XPNPEP1: variants seen among roughly 807,000 people sequenced by gnomAD.
XPNPEP1 encodes X-prolyl aminopeptidase 1.
A neutral mutation model predicts 92.4 loss-of-function variants in XPNPEP1; 39 were observed. That is an observed-to-expected ratio of 0.42 (90% CI 0.33 to 0.55). The LOEUF (loss-of-function observed/expected upper bound fraction) is 0.55, where lower values mean the gene tolerates loss of function less well. XPNPEP1 is among the 20% of genes least tolerant of loss of function. The probability of loss-of-function intolerance (pLI) is 0.08; values close to 1 mark genes in which losing one functional copy is unlikely to be tolerated. For missense variants in XPNPEP1, 654 were observed against 856.1 expected (o/e 0.76, Z 2.95); for synonymous variants, 307 against 299.4 (o/e 1.03, Z -0.26).
chr10:109,900,580 T>A (rs567048067), intron 3 of XPNPEP1, among the ~76,000 whole-genome samples: 3 of 152,272 alleles, frequency 2.0e-5, no homozygotes, highest in South Asian at 2.1e-4. Context: ...CCACATTTAA[T>A]CCAGGTTGTA....
chr10:109,873,698 A>G (rs1415809748), intron 15 of XPNPEP1: 7 of 463,556 alleles, frequency 1.5e-5, no homozygotes, highest in Admixed American at 3.5e-5. Context: ...CAGCCACATT[A>G]TTCATAATAG....
chr10:109,885,467 A>G (rs928876824), intron 8 of XPNPEP1, among the ~76,000 whole-genome samples: 2 of 152,114 alleles, frequency 1.3e-5, no homozygotes, highest in African/African-American at 4.8e-5. Flanking sequence ...AGGGAGAGAG[A>G]AAAGTTTTAC....
intron 18 of XPNPEP1, 134 bp downstream of exon 18, chr10:109,870,597 T>C: frequency 8.4e-7 from 1 of 1,197,346 alleles, no homozygotes; most frequent in Non-Finnish European, 1.2e-6. Context: ...GTATCAGTTC[T>C]ATAATCAGAA....
chr10:109,879,874 C>T (rs1186745954), intron 12 of XPNPEP1, among the ~76,000 whole-genome samples: 1 of 152,160 alleles, frequency 6.6e-6, no homozygotes, highest in Non-Finnish European at 1.5e-5. Flanking sequence ...ATACAATCAG[C>T]TTGCCTATAA....
chr10:109,887,693 A>G (rs1410964014), intron 7 of XPNPEP1, among the ~76,000 whole-genome samples: 1 of 152,258 alleles, frequency 6.6e-6, no homozygotes, highest in African/African-American at 2.4e-5. Flanking sequence ...AAATGCTGAC[A>G]TAAGAAGGGA....
chr10:109,865,743 T>TA (rs1325553267), intron 20 of XPNPEP1, among the ~76,000 whole-genome samples: 1 of 152,100 alleles, frequency 6.6e-6, no homozygotes, highest in South Asian at 2.1e-4. Context: ...AAAAGCTGAA[T>TA]AAAAAACTAG....
At chr10:109,892,443 G>A (rs1396997975) in intron 4 of XPNPEP1, 3 of 156,782 alleles carry the variant, frequency 1.9e-5, no homozygotes, top group Non-Finnish European at 4.2e-5. Flanking sequence ...CTAACCATGA[G>A]GGGAGGGGAG....
At chr10:109,923,141 C>T in intron 1 of XPNPEP1, 1 of 983,806 alleles carries the variant, frequency 1.0e-6, no homozygotes. Context: ...TGCAGCAGTT[C>T]CGCGGGCATA....
rs1847288715 is a variant in XPNPEP1, at chr10:109,868,843, A to G, written c.1774-131T>C. The stretch of plus-strand genomic sequence containing the variant: ...GGAGCCAAGAAGTGGTGAGCTGGTC[A>G]CCACTTTTCACAGACACACAAGGAA... On this transcript the variant is annotated intron_variant, in intron 19 of 20. Transcript: ENST00000502935. 1.2e-5 allele frequency: 9 copies of G among 753,926 alleles called. 1 individual carries two copies. In the South Asian group the frequency reaches 1.4e-4, roughly 11 times the overall value. 46.7% of individuals were successfully genotyped at this position (753,926 alleles called of 1,614,324 possible). A position where few individuals can be genotyped will look rare whatever the true frequency, so the allele number is the denominator to read the frequency against.
At chr10:109,883,631 A>G (rs922270228) in intron 9 of XPNPEP1, among the ~76,000 whole-genome samples, 2 of 152,244 alleles carry the variant, frequency 1.3e-5, no homozygotes, top group Non-Finnish European at 2.9e-5. Context: ...GAAATAGAAC[A>G]GTAATGAAAA....
chr10:109,905,480 T>C (rs1217198181), intron 3 of XPNPEP1, among the ~76,000 whole-genome samples: 2 of 152,046 alleles, frequency 1.3e-5, no homozygotes, highest in Non-Finnish European at 2.9e-5. Flanking sequence ...AGTGCTGGGA[T>C]TACAGGCGTG....
At chr10:109,866,394 G>A (rs1847145522) in intron 20 of XPNPEP1, among the ~76,000 whole-genome samples, 1 of 152,194 alleles carries the variant, frequency 6.6e-6, no homozygotes. Context: ...TCAGGGAAGT[G>A]ATGGGGGCAG....
At chr10:109,869,186 G>A (rs1032603315) in intron 19 of XPNPEP1, among the ~76,000 whole-genome samples, 2 of 152,222 alleles carry the variant, frequency 1.3e-5, no homozygotes, top group Non-Finnish European at 2.9e-5. Context: ...TCGGGTTTCT[G>A]TTCATGGCAG....
chr10:109,916,898 G>T (rs1270869403), intron 1 of XPNPEP1, among the ~76,000 whole-genome samples: 1 of 152,048 alleles, frequency 6.6e-6, no homozygotes, highest in African/African-American at 2.4e-5. Flanking sequence ...CTCAACAAAC[G>T]CAGAAAAAGC....
chr10:109,907,730 C>G lies in XPNPEP1; in HGVS notation c.207G>C (p.Pro69=), dbSNP rs753390128. 3.1e-6 allele frequency: 5 copies of G among 1,614,124 alleles called. No individual in the cohort carries two copies. Among genetic ancestry groups the G allele is most frequent in the Admixed American group, 1.7e-5 (1 of 60,006 alleles). ...AMRNSEYVTE[P]IQAYIIPSGD... is the part of the protein sequence containing the mutation. ...CCGATGGGATGATGTAGGCCTGGAT[C>G]GGTTCGGTCACATACTCAGAGTTCC... is the stretch of plus-strand genomic sequence containing the variant. The change falls in exon 3 of 21, where the codon CCG becomes CCC. Residue 69 remains proline, a synonymous_variant. Transcript: ENST00000502935.
Position 109,888,168 on chromosome 10 carries a change from A to C in XPNPEP1, c.533T>G (p.Val178Gly). 6.2e-7 allele frequency: 1 copy of C among 1,613,172 alleles called. No individual in the cohort carries two copies. The highest frequency in any genetic ancestry group is 8.5e-7 in the Non-Finnish European group (1 of 1,179,950). ...GAGGTGATGGCCGGCACTTCTCAGA[A>C]CTTTGGCCATTTTCTTCCAATAATC... Reference protein sequence around the residue: ...PTDYWKKMAKVLRSAGHHLIP... With the variant: ...PTDYWKKMAKGLRSAGHHLIP... The change falls in exon 7 of 21, where the codon GTT becomes GGT. Residue 178 changes from valine to glycine, a missense_variant. Coordinates refer to ENST00000502935, the MANE Select transcript of XPNPEP1 (RefSeq NM_020383.4).
intron 8 of XPNPEP1, 192 bp from the exon 9 acceptor site, chr10:109,884,340 T>C (rs1435431608): frequency 1.7e-6 from 1 of 579,980 alleles, no homozygotes; most frequent in East Asian, 2.9e-5. Context: ...GTCCACCACG[T>C]GATGGCACCA....
chr10:109,905,266 T>C (rs1849495657), intron 3 of XPNPEP1, among the ~76,000 whole-genome samples: 2 of 152,172 alleles, frequency 1.3e-5, no homozygotes, highest in African/African-American at 4.8e-5. Context: ...AGTACAGTGC[T>C]GCAATCTCGG....
intron 4 of XPNPEP1, 103 bp from the exon 5 acceptor site, chr10:109,891,929 G>T: frequency 1.8e-6 from 2 of 1,088,740 alleles, no homozygotes; most frequent in Non-Finnish European, 1.3e-6. Context: ...AGAGGCATCA[G>T]CTCCTAGTGG....
Sources: gnomAD v4.1 joint callset for allele counts (sites outside exome capture counted in the v4.1 genomes callset) on GRCh38, gnomAD v4.1.1 for gene constraint, MANE v1.5 for transcripts, NCBI Gene and HGNC (gene_info 2026-07-23, HGNC 2026-07-21) for gene names.